EVC2: variants seen among roughly 807,000 people sequenced by gnomAD.
EVC2 encodes the protein EvC ciliary complex subunit 2.
In EVC2, 148 loss-of-function variants were observed where a neutral mutation model predicts 149.3. The observed-to-expected ratio is 0.99, with a 90% CI of 0.87 to 1.14. The LOEUF is 1.14. EVC2 is among the 50% of genes most tolerant of loss of function. EVC2 has a pLI of 0.00. For missense variants in EVC2, 1,854 were observed against 1,627.3 expected (o/e 1.14, Z -2.40); for synonymous variants, 776 against 649.9 (o/e 1.19, Z -2.95).
intron 5 of EVC2, among the ~76,000 whole-genome samples, chr4:5,688,821 G>A (rs1346267530): frequency 2.0e-5 from 3 of 152,116 alleles, no homozygotes; most frequent in Non-Finnish European, 4.4e-5. Context: ...CTGAGTGACA[G>A]GTATACTGGG....
chr4:5,631,192 C>T (rs1345812913), intron 11 of EVC2, among the ~76,000 whole-genome samples: 1 of 152,158 alleles, frequency 6.6e-6, no homozygotes, highest in Admixed American at 6.5e-5. Flanking sequence ...GATACTAAAC[C>T]CTACATATAC....
chr4:5,588,340 G>C (rs888289646), intron 16 of EVC2, among the ~76,000 whole-genome samples: 1 of 152,024 alleles, frequency 6.6e-6, no homozygotes. Flanking sequence ...CAATGGTTTG[G>C]AGCAATTTGA....
downstream of EVC2, among the ~76,000 whole-genome samples, chr4:5,541,028 T>C (rs1721502592): frequency 1.3e-5 from 2 of 152,216 alleles, no homozygotes; most frequent in African/African-American, 4.8e-5. Context: ...TCCATGCTAA[T>C]GAATTTTTAA....
At position 5,615,820 on chromosome 4, in the gene EVC2, C is replaced by T. The variant is rs182662440; in HGVS notation, c.2707-276G>A. On this transcript the variant is annotated intron_variant, in intron 15 of 21. Transcript: ENST00000344408. ...CTCAGCTCTGCAGTCAGAGAGCAGA[C>T]CCAAGGCGTGTCCACCTCCTAACTA... 2.9e-3 allele frequency among the ~76,000 whole-genome samples: 445 copies of T among 152,312 alleles called. 1 individual carries two copies. Among genetic ancestry groups the T allele is most frequent in the African/African-American group, 0.01 (422 of 41,582 alleles).
chr4:5,534,720 T>A, the EVC2 span, among the ~76,000 whole-genome samples: 11 of 152,034 alleles, frequency 7.2e-5, no homozygotes, highest in Admixed American at 1.3e-4. Context: ...GATGGAGGCT[T>A]TGTGGCCTCT....
chr4:5,702,012 C>T lies in EVC2; in HGVS notation c.229-4365G>A, dbSNP rs148270528. Among the ~76,000 whole-genome samples the T allele has an allele frequency of 9.0e-3, 1,366 of 152,200 alleles. 21 individuals carry two copies. Among genetic ancestry groups the T allele is most frequent in the African/African-American group, 0.031 (1,288 of 41,520 alleles). Reference sequence around the variant, plus strand: ...TGCCACTTTCCTGCTCACACATCCGCCTGCCATCTATTCTCACCCCTGCCA... The same window carrying T: ...TGCCACTTTCCTGCTCACACATCCGTCTGCCATCTATTCTCACCCCTGCCA... On this transcript the variant is annotated intron_variant, in intron 1 of 21. Coordinates refer to ENST00000344408, the MANE Select transcript of EVC2 (RefSeq NM_147127.5).
chr4:5,612,921 CCAAAAAAAAAAAA>C (rs1560164397), intron 16 of EVC2, among the ~76,000 whole-genome samples: 6 of 69,184 alleles, frequency 8.7e-5, no homozygotes, highest in African/African-American at 1.5e-4. Context: ...GACTCTGTCT[CCAAAAAAAAAAAA>C]AAAAAAAAAA....
intron 6 of EVC2, among the ~76,000 whole-genome samples, chr4:5,681,740 A>G (rs561019724): frequency 3.9e-5 from 6 of 152,032 alleles, no homozygotes; most frequent in Non-Finnish European, 8.8e-5. Flanking sequence ...CCAAGCCCCA[A>G]CCCGCTGTGG....
rs1205650934 is a variant in EVC2, at chr4:5,663,163, T to C, written c.1089A>G (p.Gln363=). ...GVNEDLSLND[Q]MIDILSSEDP... ...CCTCGGAAGACAGAATGTCTATCAT[T>C]TGGTCGTTAAGGGAAAGGTCCTCAT... is the stretch of plus-strand genomic sequence containing the variant. The change falls in exon 9 of 22, where the codon CAA becomes CAG. Residue 363 remains glutamine, a synonymous_variant. Transcript: ENST00000344408. 6.2e-7 allele frequency: 1 copy of C among 1,614,068 alleles called. No individual in the cohort carries two copies. The highest frequency in any genetic ancestry group is 1.3e-5 in the African/African-American group (1 of 74,918).
At chr4:5,623,106 C>T in intron 13 of EVC2, 115 bp from the exon 14 acceptor site, 3 of 977,910 alleles carry the variant, frequency 3.1e-6, no homozygotes, top group East Asian at 2.6e-5. Context: ...CCCCAACAAT[C>T]TCACATTTGG....
chr4:5,694,892 T>C lies in EVC2; in HGVS notation c.284-391A>G, dbSNP rs191162278. 2.7e-3 allele frequency among the ~76,000 whole-genome samples: 408 copies of C among 152,202 alleles called. 3 individuals are homozygous for C. Among genetic ancestry groups the C allele is most frequent in the African/African-American group, 9.2e-3 (382 of 41,508 alleles). On this transcript the variant is annotated intron_variant, in intron 2 of 21. Transcript: ENST00000344408. ...GCATAACCTCTAACCTCTCTATACCTCGGTTTGCTTAATTCTAAGGCAAAC... is the reference window on the plus strand; with the variant it reads ...GCATAACCTCTAACCTCTCTATACCCCGGTTTGCTTAATTCTAAGGCAAAC...
At chr4:5,650,638 T>TATAGAGAGAGAGAGAG (rs1162935817) in intron 9 of EVC2, among the ~76,000 whole-genome samples, 3 of 45,096 alleles carry the variant, frequency 6.7e-5, no homozygotes, top group Non-Finnish European at 8.0e-5. Flanking sequence ...TATATATATA[T>TATAGAGAGAGAGAGAG]AGAGAGAGAG....
chr4:5,659,376 G>A (rs1207793054), intron 9 of EVC2, among the ~76,000 whole-genome samples: 1 of 131,740 alleles, frequency 7.6e-6, no homozygotes, highest in South Asian at 2.8e-4. Context: ...AAGATGGAAA[G>A]ATTAAAAGTA....
chr4:5,583,420 G>A (rs1049029001), intron 17 of EVC2, among the ~76,000 whole-genome samples: 1 of 152,180 alleles, frequency 6.6e-6, no homozygotes, highest in Admixed American at 6.5e-5. Flanking sequence ...ATTCATATAT[G>A]AGACTGGCAA....
rs1720741884 is a variant in EVC2, at chr4:5,686,761, T to G, written c.707-1282A>C. Reference sequence around the variant, plus strand: ...CTGGGACCTGACTGGTCATTTGATTTTATAGTTATCTACTTATGCTTTGGG... The same window carrying G: ...CTGGGACCTGACTGGTCATTTGATTGTATAGTTATCTACTTATGCTTTGGG... On this transcript the variant is annotated intron_variant, in intron 5 of 21. Transcript: ENST00000344408. The surrounding 1 kb of genome is among the most constrained non-coding windows in gnomAD (Gnocchi z 5.4). 6.6e-6 allele frequency among the ~76,000 whole-genome samples: 1 copy of G among 152,122 alleles called. No individual in the cohort carries two copies. The highest frequency in any genetic ancestry group is 2.1e-4 in the South Asian group (1 of 4,818).
At chr4:5,568,325 T>C (rs983413143) in intron 20 of EVC2, 119 bp downstream of exon 20, 1 of 1,047,000 alleles carries the variant, frequency 9.6e-7, no homozygotes, top group Non-Finnish European at 1.3e-6. Flanking sequence ...AAAAAATAAA[T>C]TGGTAACAAA....
chr4:5,706,109 T>C (rs1038187275), intron 1 of EVC2, among the ~76,000 whole-genome samples: 2 of 151,844 alleles, frequency 1.3e-5, no homozygotes, highest in African/African-American at 4.8e-5. Context: ...CTCTCCTGAC[T>C]CCTTCCCTGG....
chr4:5,533,527 G>C, the EVC2 span, among the ~76,000 whole-genome samples: 1 of 152,226 alleles, frequency 6.6e-6, no homozygotes, highest in African/African-American at 2.4e-5. Flanking sequence ...AAAAGGCTTT[G>C]AGCAGAGGAA....
At chr4:5,704,418 C>T (rs934516560) in intron 1 of EVC2, among the ~76,000 whole-genome samples, 1 of 152,072 alleles carries the variant, frequency 6.6e-6, no homozygotes, top group African/African-American at 2.4e-5. Flanking sequence ...AGGCAAGGGG[C>T]AGGATTTCGG....
Sources: allele counts gnomAD v4.1 joint callset (sites outside exome capture counted in the v4.1 genomes callset), GRCh38; gene constraint gnomAD v4.1.1; non-coding constraint Gnocchi (gnomAD v3.1); transcripts MANE v1.5; gene names NCBI Gene and HGNC (gene_info 2026-07-23, HGNC 2026-07-21).